The following CTNNA3 variants were observed in gnomAD, a reference collection of about 807,000 sequenced individuals.
The protein encoded by CTNNA3 is catenin alpha 3.
Under a neutral mutation model 95.7 loss-of-function variants are expected in CTNNA3, and 76 were observed. The ratio of observed to expected loss-of-function variants is 0.79; its 90% CI spans 0.66 to 0.96. The LOEUF (loss-of-function observed/expected upper bound fraction) is 0.96. Among genes scored for constraint, CTNNA3 ranks in the 40% least tolerant of loss-of-function variants. The pLI is 0.00. For missense variants in CTNNA3, 1,191 were observed against 1,089.8 expected (o/e 1.09, Z -1.31); for synonymous variants, 431 against 374.4 (o/e 1.15, Z -1.74).
chr10:67,179,803 G>A (rs1862423780), intron 7 of CTNNA3, among the ~76,000 whole-genome samples: 1 of 151,944 alleles, frequency 6.6e-6, no homozygotes, highest in South Asian at 2.1e-4. Context: ...CTTGAGCCTG[G>A]GCAACAGATC....
intron 9 of CTNNA3, among the ~76,000 whole-genome samples, chr10:66,746,362 A>G (rs569762023): frequency 6.6e-6 from 1 of 152,198 alleles, no homozygotes; most frequent in Non-Finnish European, 1.5e-5. Context: ...TAGCTCTACT[A>G]TCTTCTAACA....
intron 1 of CTNNA3, among the ~76,000 whole-genome samples, chr10:67,713,727 T>G (rs1188242564): frequency 6.6e-6 from 1 of 151,256 alleles, no homozygotes; most frequent in Non-Finnish European, 1.5e-5. Context: ...TAAGTGGGAG[T>G]TGAACAATGA....
At chr10:66,260,970 G>C (rs1266709563) in intron 13 of CTNNA3, among the ~76,000 whole-genome samples, 1 of 152,080 alleles carries the variant, frequency 6.6e-6, no homozygotes, top group East Asian at 1.9e-4. Flanking sequence ...TGTTGGAACA[G>C]TGTATATCAG....
At chr10:67,731,036 C>T (rs1459518650) in intron 1 of CTNNA3, among the ~76,000 whole-genome samples, 2 of 152,078 alleles carry the variant, frequency 1.3e-5, no homozygotes, top group Admixed American at 6.6e-5. Context: ...TGACAGCTTA[C>T]ATTTCATACT....
chr10:67,386,883 CTTTTTGG>C (rs1472855357), intron 5 of CTNNA3, among the ~76,000 whole-genome samples: 1 of 152,180 alleles, frequency 6.6e-6, no homozygotes, highest in Non-Finnish European at 1.5e-5. Flanking sequence ...CCACAAGTTC[CTTTTTGG>C]TTAATTCAAG....
At chr10:65,982,121 G>C (rs2078331966) in intron 16 of CTNNA3, among the ~76,000 whole-genome samples, 1 of 150,656 alleles carries the variant, frequency 6.6e-6, no homozygotes, top group Admixed American at 6.6e-5. Context: ...CTCATATTCA[G>C]AATCTCCAAA....
intron 14 of CTNNA3, among the ~76,000 whole-genome samples, chr10:66,080,709 T>A (rs1564623905): frequency 6.6e-6 from 1 of 152,072 alleles, no homozygotes; most frequent in Non-Finnish European, 1.5e-5. Flanking sequence ...GGAACTCAAC[T>A]CTGCTGAAGC....
intron 9 of CTNNA3, among the ~76,000 whole-genome samples, chr10:66,651,727 C>T (rs896508849): frequency 3.3e-5 from 5 of 152,126 alleles, no homozygotes; most frequent in Non-Finnish European, 7.4e-5. Flanking sequence ...CCTCACTGCT[C>T]GGGGCCTGCT....
intron 12 of CTNNA3, among the ~76,000 whole-genome samples, chr10:66,322,660 C>T (rs189160405): frequency 5.3e-5 from 8 of 152,112 alleles, no homozygotes; most frequent in African/African-American, 1.9e-4. Context: ...TCCTGGTTGG[C>T]GGGAGGGAGT....
At chr10:67,014,968 T>C (rs1407881981) in intron 7 of CTNNA3, among the ~76,000 whole-genome samples, 1 of 152,082 alleles carries the variant, frequency 6.6e-6, no homozygotes, top group Non-Finnish European at 1.5e-5. Context: ...AAAGAAAATT[T>C]GAACTAAAAA....
At chr10:66,121,513 C>A (rs1297197923) in intron 13 of CTNNA3, among the ~76,000 whole-genome samples, 1 of 152,028 alleles carries the variant, frequency 6.6e-6, no homozygotes, top group Non-Finnish European at 1.5e-5. Flanking sequence ...TAATAAATCA[C>A]ATGGTATTTT....
At chr10:66,876,978 G>A (rs1366453150) in intron 7 of CTNNA3, among the ~76,000 whole-genome samples, 1 of 152,092 alleles carries the variant, frequency 6.6e-6, no homozygotes, top group African/African-American at 2.4e-5. Flanking sequence ...TACCTGGGAA[G>A]CCCTGAGTCA....
intron 7 of CTNNA3, among the ~76,000 whole-genome samples, chr10:67,097,267 CA>C (rs1361403247): frequency 3.3e-5 from 5 of 151,908 alleles, no homozygotes; most frequent in African/African-American, 1.2e-4. Flanking sequence ...TCTAAAAACA[CA>C]ATTATTTTCC....
intron 7 of CTNNA3, among the ~76,000 whole-genome samples, chr10:66,932,782 C>A (rs1847480459): frequency 6.6e-6 from 1 of 152,126 alleles, no homozygotes; most frequent in African/African-American, 2.4e-5. Flanking sequence ...ATTCTTTTAG[C>A]CTCCAAAAGT....
chr10:66,191,657 T>A (rs2086673334), intron 13 of CTNNA3, among the ~76,000 whole-genome samples: 1 of 151,246 alleles, frequency 6.6e-6, no homozygotes, highest in African/African-American at 2.4e-5. Flanking sequence ...TGTATATCTC[T>A]ATTCCTGACT....
At position 66,418,121 on chromosome 10, in the gene CTNNA3, A is replaced by C. The variant is rs1266270572; in HGVS notation, c.1532-38769T>G. ...ACAAAATTGAAAACATTAAAAAAAAAAAAAACTACGAGCTAGACTAACAAA... is the reference window on the plus strand; with the variant it reads ...ACAAAATTGAAAACATTAAAAAAAACAAAAACTACGAGCTAGACTAACAAA... On this transcript the variant is annotated intron_variant, in intron 11 of 17. Transcript: ENST00000433211. Among the ~76,000 whole-genome samples the C allele has an allele frequency of 2.0e-5, 3 of 151,490 alleles. No homozygotes were observed. The South Asian group carries it at 6.2e-4, about 31-fold the overall frequency.
chr10:67,562,813 G>A (rs1474898565), intron 3 of CTNNA3, among the ~76,000 whole-genome samples: 1 of 152,010 alleles, frequency 6.6e-6, no homozygotes, highest in Non-Finnish European at 1.5e-5. Flanking sequence ...AAATCAATGT[G>A]CAAAAGTCAC....
chr10:66,572,506 G>T (rs532807573), intron 10 of CTNNA3, among the ~76,000 whole-genome samples: 1 of 151,482 alleles, frequency 6.6e-6, no homozygotes, highest in East Asian at 1.9e-4. Context: ...TTATGCTGAG[G>T]GTCTTGAATA....
At chr10:67,438,822 T>G (rs1846394535) in intron 5 of CTNNA3, among the ~76,000 whole-genome samples, 1 of 152,186 alleles carries the variant, frequency 6.6e-6, no homozygotes, top group South Asian at 2.1e-4. Context: ...AGCAAAGCCA[T>G]GCTGGGCTTA....
Sources: gnomAD v4.1 joint callset for allele counts (sites outside exome capture counted in the v4.1 genomes callset) on GRCh38, gnomAD v4.1.1 for gene constraint, MANE v1.5 for transcripts, NCBI Gene and HGNC (gene_info 2026-07-23, HGNC 2026-07-21) for gene names.